Variants in COG5 observed in about 807,000 individuals in gnomAD.
COG5 encodes component of oligomeric golgi complex 5, also known as conserved oligomeric Golgi complex subunit 5.
A neutral mutation model predicts 110.4 loss-of-function variants in COG5; 86 were observed. The observed-to-expected ratio is 0.78, with a 90% CI of 0.65 to 0.93. COG5 has a LOEUF of 0.93. Ranked by LOEUF, COG5 falls within the 40% of genes least tolerant of loss-of-function variation. COG5 has a pLI of 0.00. For missense variants in COG5, 1,077 were observed against 987.0 expected (o/e 1.09, Z -1.22); for synonymous variants, 360 against 334.6 (o/e 1.08, Z -0.83).
At chr7:107,255,375 CCTT>C (rs1396755718) in intron 16 of COG5, among the ~76,000 whole-genome samples, 3 of 152,030 alleles carry the variant, frequency 2.0e-5, no homozygotes, top group Non-Finnish European at 2.9e-5. Context: ...TAGACTGTCT[CCTT>C]CTCTTACCCT....
chr7:107,495,695 G>A (rs1412321557), intron 6 of COG5, among the ~76,000 whole-genome samples: 1 of 152,126 alleles, frequency 6.6e-6, no homozygotes, highest in Admixed American at 6.6e-5. Context: ...TAAGTAGACT[G>A]TGGTAATTAA....
intron 18 of COG5, among the ~76,000 whole-genome samples, chr7:107,233,986 A>C (rs1315965241): frequency 6.6e-6 from 1 of 152,196 alleles, no homozygotes; most frequent in Admixed American, 6.5e-5. Flanking sequence ...AGACCATGAC[A>C]TAACAGTAGA....
chr7:107,547,196 TC>T (rs1468621495), intron 5 of COG5, among the ~76,000 whole-genome samples: 4 of 152,170 alleles, frequency 2.6e-5, no homozygotes, highest in African/African-American at 9.7e-5. Flanking sequence ...GAGATTTATC[TC>T]TGGGGTGCAG....
chr7:107,307,941 C>T (rs1182171550), intron 11 of COG5, among the ~76,000 whole-genome samples: 1 of 152,110 alleles, frequency 6.6e-6, no homozygotes, highest in Non-Finnish European at 1.5e-5. Flanking sequence ...AAATACATAG[C>T]CACAGTTCTC....
At chr7:107,454,940 T>C (rs1387496104) in intron 6 of COG5, among the ~76,000 whole-genome samples, 3 of 152,216 alleles carry the variant, frequency 2.0e-5, no homozygotes, top group Non-Finnish European at 4.4e-5. Context: ...TCTTAATATG[T>C]TGTCATTGGA....
At chr7:107,521,726 G>A (rs1002320925) in intron 6 of COG5, among the ~76,000 whole-genome samples, 1 of 152,186 alleles carries the variant, frequency 6.6e-6, no homozygotes, top group Non-Finnish European at 1.5e-5. Flanking sequence ...AAAGTGTGGC[G>A]ATTCCTCAAG....
intron 10 of COG5, among the ~76,000 whole-genome samples, chr7:107,347,365 A>C (rs62482502): frequency 0.3 from 45,149 of 152,084 alleles, 6,708 homozygotes; most frequent in East Asian, 0.33. Context: ...AGAATGAATC[A>C]GTATAAAAGT....
intron 6 of COG5, among the ~76,000 whole-genome samples, chr7:107,511,392 G>A (rs898801971): frequency 2.6e-5 from 4 of 152,110 alleles, no homozygotes; most frequent in African/African-American, 9.7e-5. Flanking sequence ...CTGAAATTGT[G>A]GCAATAATCA....
intron 19 of COG5, among the ~76,000 whole-genome samples, chr7:107,220,194 A>C (rs1301774710): frequency 1.3e-5 from 2 of 152,244 alleles, no homozygotes; most frequent in African/African-American, 4.8e-5. Flanking sequence ...CAGTATATAC[A>C]GAAACAAAGA....
intron 8 of COG5, 50 bp from the exon 9 acceptor site, chr7:107,362,470 A>AATAT: frequency 2.0e-6 from 2 of 994,534 alleles, no homozygotes; most frequent in Non-Finnish European, 3.1e-6. Flanking sequence ...TCCAAAGGCA[A>AATAT]ATATATATAT....
At chr7:107,383,533 C>T (rs1815311156) in intron 7 of COG5, among the ~76,000 whole-genome samples, 1 of 152,164 alleles carries the variant, frequency 6.6e-6, no homozygotes, top group Non-Finnish European at 1.5e-5. Flanking sequence ...AATTCCTATT[C>T]TCTAGGCCCC....
intron 17 of COG5, among the ~76,000 whole-genome samples, chr7:107,238,828 T>G (rs748196144): frequency 6.6e-6 from 1 of 152,182 alleles, no homozygotes; most frequent in Non-Finnish European, 1.5e-5. Context: ...GTCCTTTGCC[T>G]ATGTTTAAAT....
At chr7:107,237,667 G>A (rs1286103417) in intron 17 of COG5, among the ~76,000 whole-genome samples, 1 of 152,214 alleles carries the variant, frequency 6.6e-6, no homozygotes, top group African/African-American at 2.4e-5. Context: ...AGAGATAGAA[G>A]AAGTAGGCCT....
intron 15 of COG5, among the ~76,000 whole-genome samples, chr7:107,257,522 A>G (rs569811051): frequency 6.6e-6 from 1 of 152,236 alleles, no homozygotes; most frequent in Admixed American, 6.5e-5. Context: ...AGCTTATACT[A>G]TAAGTCAAGT....
At chr7:107,389,160 C>A (rs1197931191) in intron 7 of COG5, among the ~76,000 whole-genome samples, 1 of 152,198 alleles carries the variant, frequency 6.6e-6, no homozygotes, top group Non-Finnish European at 1.5e-5. Flanking sequence ...CAGACACCCG[C>A]TTCCCAGCCT....
intron 10 of COG5, among the ~76,000 whole-genome samples, chr7:107,345,443 T>C (rs956678771): frequency 6.6e-5 from 10 of 152,176 alleles, no homozygotes; most frequent in Admixed American, 2.6e-4. Flanking sequence ...TGTAGCACAA[T>C]AGAGGTGAAG....
intron 19 of COG5, among the ~76,000 whole-genome samples, chr7:107,216,831 C>G (rs1799567678): frequency 6.6e-6 from 1 of 151,940 alleles, no homozygotes; most frequent in Non-Finnish European, 1.5e-5. Context: ...CAAGAAACTA[C>G]AAGAGAAGAA....
At chr7:107,445,382 C>G (rs749047716) in intron 6 of COG5, among the ~76,000 whole-genome samples, 2 of 152,126 alleles carry the variant, frequency 1.3e-5, no homozygotes, top group Non-Finnish European at 2.9e-5. Context: ...TGAAAAGATT[C>G]TTCAACTAAA....
At chr7:107,347,101 CAG>C (rs1265405694) in intron 10 of COG5, among the ~76,000 whole-genome samples, 2 of 152,086 alleles carry the variant, frequency 1.3e-5, no homozygotes, top group South Asian at 2.1e-4. Context: ...GAGAGACAAA[CAG>C]AAAGTTATTC....
Sources: gnomAD v4.1 joint callset for allele counts (sites outside exome capture counted in the v4.1 genomes callset) on GRCh38, gnomAD v4.1.1 for gene constraint, MANE v1.5 for transcripts, NCBI Gene and HGNC (gene_info 2026-07-23, HGNC 2026-07-21) for gene names.